PLEKHA7: variants seen among roughly 807,000 people sequenced by gnomAD.
PLEKHA7 encodes pleckstrin homology domain containing A7.
Under a neutral mutation model 170.0 loss-of-function variants are expected in PLEKHA7, and 104 were observed. The ratio of observed to expected loss-of-function variants is 0.61; its 90% confidence interval spans 0.52 to 0.72. PLEKHA7 has a LOEUF of 0.72. Ranked by LOEUF, PLEKHA7 falls within the 30% of genes least tolerant of loss-of-function variation. The pLI is 0.00. For missense variants in PLEKHA7, 1,615 were observed against 1,671.7 expected, an observed-to-expected ratio of 0.97 and a Z score of 0.59; for synonymous variants, 648 against 660.8, an observed-to-expected ratio of 0.98 and a Z score of 0.30.
intron 9 of PLEKHA7, among the ~76,000 whole-genome samples, chr11:16,829,179 A>T (rs1411602089): frequency 2.1e-5 from 3 of 139,616 alleles, no homozygotes; most frequent in Admixed American, 7.1e-5. Context: ...TCTGCTAATT[A>T]AAAAAAAAAA....
chr11:16,892,619 CTTTTTTT>C (rs10674972), intron 3 of PLEKHA7, among the ~76,000 whole-genome samples: 61 of 82,418 alleles, frequency 7.4e-4, no homozygotes, highest in Admixed American at 1.1e-3. Flanking sequence ...CTTCCAGCTT[CTTTTTTT>C]TTTTTTTTTT....
intron 9 of PLEKHA7, among the ~76,000 whole-genome samples, chr11:16,835,372 T>G (rs1444191519): frequency 1.3e-5 from 2 of 152,108 alleles, no homozygotes; most frequent in African/African-American, 4.8e-5. Context: ...CAAATAGGAC[T>G]GAGGGATGGG....
chr11:16,872,981 C>A (rs1051711270), intron 3 of PLEKHA7, among the ~76,000 whole-genome samples: 17 of 152,146 alleles, frequency 1.1e-4, no homozygotes, highest in African/African-American at 2.7e-4. Flanking sequence ...GCCTCCCCCC[C>A]ACTATTATAA....
chr11:16,929,306 T>C (rs974251908), intron 3 of PLEKHA7, among the ~76,000 whole-genome samples: 4 of 152,190 alleles, frequency 2.6e-5, no homozygotes, highest in African/African-American at 9.7e-5. Flanking sequence ...GCTATGCTTA[T>C]AATAATGCTC....
intron 3 of PLEKHA7, among the ~76,000 whole-genome samples, chr11:16,922,687 T>C (rs1194415356): frequency 1.3e-5 from 2 of 152,160 alleles, no homozygotes; most frequent in Non-Finnish European, 2.9e-5. Flanking sequence ...CAGAGCACCC[T>C]TCTCTTAGCC....
chr11:16,896,894 G>A (rs540939182), intron 3 of PLEKHA7, among the ~76,000 whole-genome samples: 38 of 152,198 alleles, frequency 2.5e-4, no homozygotes, highest in Admixed American at 9.2e-4. Context: ...AGCCTTCCAC[G>A]ATATGAGGCT....
At chr11:16,829,415 A>G (rs764563999) in intron 9 of PLEKHA7, among the ~76,000 whole-genome samples, 21 of 152,318 alleles carry the variant, frequency 1.4e-4, no homozygotes, top group Non-Finnish European at 2.9e-4. Context: ...TGAGATAGTA[A>G]TGAGTGAGGG....
At chr11:16,876,504 G>A (rs1271214204) in intron 3 of PLEKHA7, among the ~76,000 whole-genome samples, 1 of 152,266 alleles carries the variant, frequency 6.6e-6, no homozygotes, top group Non-Finnish European at 1.5e-5. Context: ...AACATGGACA[G>A]AAGATGGCAG....
In PLEKHA7 at chr11:17,011,322, T is replaced by C. The variant is rs541306988; in HGVS notation, c.221+2667A>G. Among the ~76,000 whole-genome samples the C allele has an allele frequency of 6.6e-5, 10 of 152,268 alleles. No individual in the cohort carries two copies. In the South Asian group the frequency reaches 1.2e-3, roughly 19 times the overall value. On this transcript the variant is annotated intron_variant, in intron 3 of 26. Transcript: ENST00000531066. Reference sequence around the variant, plus strand: ...ACACTGCTCCAGCAACTGCCCCGTCTCTTTACTGCAGCATCGACTTCTTCC... The same window carrying C: ...ACACTGCTCCAGCAACTGCCCCGTCCCTTTACTGCAGCATCGACTTCTTCC...
At position 16,907,660 on chromosome 11, in the gene PLEKHA7, C is replaced by T. The variant is rs1182950231; in HGVS notation, c.222-36478G>A. 1.5e-4 allele frequency among the ~76,000 whole-genome samples: 20 copies of T among 131,634 alleles called. 2 individuals carry two copies. The East Asian group carries it at 3.2e-3, about 21-fold the overall frequency. The allele number at this position is 131,634 out of a possible 152,430, so 86.4% of individuals were successfully genotyped here. On this transcript the variant is annotated intron_variant, in intron 3 of 26. Transcript: ENST00000531066. ...CTGGGAAGTAAGGAGCCCCTCTGCC[C>T]GGCCAGCCGCCCCGTCCGGGAGGTG...
chr11:16,791,492 C>T lies in PLEKHA7; in HGVS notation c.2746-293G>A, dbSNP rs1847853521. The T allele has an allele frequency of 3.4e-6, 2 of 584,952 alleles. No homozygotes were observed. Among genetic ancestry groups the T allele is most frequent in the Non-Finnish European group, 6.4e-6 (2 of 310,592 alleles). 36.2% of individuals were successfully genotyped at this position (584,952 alleles called of 1,614,324 possible). On this transcript the variant is annotated intron_variant, in intron 19 of 26. Transcript: ENST00000531066. The surrounding 1 kb of genome is among the most constrained non-coding windows in gnomAD (Gnocchi z 4.5). ...GTCTCCTGGGTCCATGCCCTCGGTG[C>T]TGTGCTGAACTGCTCCCTCCGCTCA... is the stretch of plus-strand genomic sequence containing the variant.
intron 9 of PLEKHA7, among the ~76,000 whole-genome samples, chr11:16,840,390 G>A (rs907725041): frequency 2.6e-5 from 4 of 151,932 alleles, no homozygotes; most frequent in South Asian, 2.1e-4. Context: ...GTGAAACCCC[G>A]TCTCTACTAA....
At chr11:16,795,475 A>G (rs1848157494) in intron 17 of PLEKHA7, among the ~76,000 whole-genome samples, 1 of 152,152 alleles carries the variant, frequency 6.6e-6, no homozygotes, top group Non-Finnish European at 1.5e-5. Flanking sequence ...TGTACTTAAC[A>G]CCACTGAACT....
chr11:16,911,615 C>T (rs1294500830), intron 3 of PLEKHA7, among the ~76,000 whole-genome samples: 6 of 152,096 alleles, frequency 3.9e-5, no homozygotes, highest in African/African-American at 9.7e-5. Flanking sequence ...CTACAACATT[C>T]AAGAGGAAAC....
At chr11:16,901,106 C>T (rs1317006831) in intron 3 of PLEKHA7, among the ~76,000 whole-genome samples, 1 of 152,140 alleles carries the variant, frequency 6.6e-6, no homozygotes, top group East Asian at 1.9e-4. Flanking sequence ...CTCGACCTCC[C>T]GAAGTGCTGG....
intron 3 of PLEKHA7, among the ~76,000 whole-genome samples, chr11:16,940,217 T>C (rs1363644328): frequency 2.0e-5 from 3 of 151,566 alleles, no homozygotes; most frequent in Non-Finnish European, 2.9e-5. Flanking sequence ...GTAGGTACTC[T>C]GAAAAAATGG....
Position 17,014,210 on chromosome 11 carries a change from A to G in PLEKHA7, c.87-9T>C. On this transcript the variant is annotated splice_polypyrimidine_tract_variant and intron_variant, in intron 1 of 26. Coordinates refer to ENST00000531066, the MANE Select transcript of PLEKHA7 (RefSeq NM_001329630.2). ...TGCAGCGGAGCTGGTCACTGCGGGC[A>G]GAGAGGTGCACCTGTTAGCGCCGCC... 1 of 1,568,604 alleles carries G rather than the reference A, an allele frequency of 6.4e-7. No individual in the cohort carries two copies. The highest frequency in any genetic ancestry group is 8.6e-7 in the Non-Finnish European group (1 of 1,161,620).
intron 13 of PLEKHA7, among the ~76,000 whole-genome samples, chr11:16,808,670 T>G (rs1000173962): frequency 1.3e-5 from 2 of 152,170 alleles, no homozygotes; most frequent in Admixed American, 1.3e-4. Context: ...CTTTTCTATC[T>G]ACAAAGGCTC....
chr11:16,913,646 CT>C (rs1368765712), intron 3 of PLEKHA7, among the ~76,000 whole-genome samples: 1 of 152,220 alleles, frequency 6.6e-6, no homozygotes, highest in Non-Finnish European at 1.5e-5. Context: ...CACAGATGAA[CT>C]TCCTGACAGA....
Sources: gnomAD v4.1 joint callset for allele counts (sites outside exome capture counted in the v4.1 genomes callset) on GRCh38, gnomAD v4.1.1 for gene constraint, Gnocchi (gnomAD v3.1) non-coding constraint, MANE v1.5 for transcripts, NCBI Gene and HGNC (gene_info 2026-07-23, HGNC 2026-07-21) for gene names.